The following B4GALNT1 variants were observed in gnomAD, a reference collection of about 807,000 sequenced individuals.
B4GALNT1 encodes beta-1,4 N-acetylgalactosaminyltransferase 1.
Under a neutral mutation model 55.2 loss-of-function variants are expected in B4GALNT1, and 43 were observed. That is an observed-to-expected ratio of 0.78 (90% CI 0.61 to 1.00). The LOEUF is 1.00. Among genes scored for constraint, B4GALNT1 ranks in the 50% least tolerant of loss-of-function variants. B4GALNT1 has a pLI of 0.00. For synonymous variants in B4GALNT1, 305 were observed against 311.6 expected (o/e 0.98, Z 0.22); for missense variants, 664 against 729.7 (o/e 0.91, Z 1.04).
At chr12:57,631,713 C>T (rs77985887) in intron 2 of B4GALNT1, among the ~76,000 whole-genome samples, 1 of 152,174 alleles carries the variant, frequency 6.6e-6, no homozygotes, top group South Asian at 2.1e-4. Context: ...ACGCCCATCC[C>T]CATCCTTATC....
At position 57,624,120 on chromosome 12, in the gene B4GALNT1, A is replaced by C. The variant is rs564432437; in HGVS notation, c.*2624T>G. 2 of 1,610,946 alleles carry C rather than the reference A, an allele frequency of 1.2e-6. No homozygotes were observed. Among genetic ancestry groups the C allele is most frequent in the African/African-American group, 2.7e-5 (2 of 74,768 alleles). On this transcript the variant is annotated 3_prime_UTR_variant, in exon 11 of 11. Transcript: ENST00000341156. ...CTTTGTGAGAAATGCCATTACCCCC[A>C]GATTGCCCCCTCTCATCTTGTTAGC...
At chr12:57,628,954 G>C in intron 7 of B4GALNT1, 51 bp from the exon 8 acceptor site, 1 of 1,609,470 alleles carries the variant, frequency 6.2e-7, no homozygotes, top group Non-Finnish European at 8.5e-7. Flanking sequence ...TTGGGAGAGG[G>C]GAACAGGTAG....
intron 8 of B4GALNT1, 119 bp downstream of exon 8, chr12:57,628,594 C>T (rs1451386973): frequency 3.8e-5 from 47 of 1,240,568 alleles, no homozygotes; most frequent in Admixed American, 6.4e-5. Flanking sequence ...TCATGCTTAA[C>T]AGGCACCCCA....
At position 57,624,803 on chromosome 12, in the gene B4GALNT1, C is replaced by A; in HGVS notation, c.*1941G>T. ...CAGAGGAAGCCCCAGGGTGGGTGGG[C>A]TGCAGCCAAAGAAGGAAGGGAAGAT... On this transcript the variant is annotated 3_prime_UTR_variant, in exon 11 of 11. Transcript: ENST00000341156. The A allele has an allele frequency of 6.6e-7, 1 of 1,508,418 alleles. No individual in the cohort carries two copies. The highest frequency in any genetic ancestry group is 1.7e-5 in the Admixed American group (1 of 59,870). 93.4% of individuals were successfully genotyped at this position (1,508,418 alleles called of 1,614,324 possible).
chr12:57,632,400 A>C, intron 1 of B4GALNT1: 2 of 598,418 alleles, frequency 3.3e-6, no homozygotes, highest in East Asian at 3.0e-5. Flanking sequence ...TGGCATCTTA[A>C]TGCTGAAGAC....
chr12:57,627,633 G>T lies in B4GALNT1; in HGVS notation c.1369C>A (p.Arg457Ser), dbSNP rs750720880. ...TGCCACTCACCCAGATGAGCCACGC[G>T]GCTGAGGCGGGGGTCGAAACCGACC... ...REVGFDPRLS[R>S]VAHLEFFLDG... Residue 457 changes from arginine to serine, a missense_variant, in exon 10 of 11, where the codon CGC becomes AGC. Physicochemically the swap from Arg to Ser is moderately radical, Grantham distance 110. Transcript: ENST00000341156. 5 of 1,596,734 alleles carry T rather than the reference G, an allele frequency of 3.1e-6. No homozygotes were observed. Among genetic ancestry groups the T allele is most frequent in the African/African-American group, 2.7e-5 (2 of 74,626 alleles).
In B4GALNT1 at chr12:57,623,491, C is replaced by T. The variant is rs890071843; in HGVS notation, c.*3253G>A. ...GAATATCACATATCAAAGTCTCCCC[C>T]TAATATTTTTGGTTTCCCTTACTTT... On this transcript the variant is annotated 3_prime_UTR_variant, in exon 11 of 11. Transcript: ENST00000341156. The T allele has an allele frequency of 9.2e-6, 4 of 434,652 alleles. No homozygotes were observed. The highest frequency in any genetic ancestry group is 8.0e-5 in the African/African-American group (4 of 49,698). 26.9% of individuals were successfully genotyped at this position (434,652 alleles called of 1,614,324 possible).
Position 57,628,130 on chromosome 12 carries a change from G to A in B4GALNT1, c.1135C>T (p.Leu379=), listed in dbSNP as rs151177784. 1.3e-3 allele frequency: 2,110 copies of A among 1,613,870 alleles called. 8 individuals carry two copies. The highest frequency in any genetic ancestry group is 3.1e-3 in the Admixed American group (186 of 60,028). The change falls in exon 9 of 11, where the codon CTG becomes TTG. Residue 379 remains leucine, a synonymous_variant. Transcript: ENST00000341156. Reference sequence around the variant, plus strand: ...TGCAGCCCCTGCCCTACCAGGTCCAGCGGCGTCCGCTCCAGCACGTCCACA... The same window carrying A: ...TGCAGCCCCTGCCCTACCAGGTCCAACGGCGTCCGCTCCAGCACGTCCACA... ...RLVDVLERTP[L]DLVGGAVREI... is the part of the protein sequence containing the mutation.
Position 57,629,100 on chromosome 12 carries a change from T to C in B4GALNT1, c.759A>G (p.Ile253Met), listed in dbSNP as rs1277987420. ...ACAGCCGAGGGTTGGGCGGGTGTCT[T>C]ATGCGGATAGTGAAAGCAGCCTCAT... ...EGHEAAFTIR[I>M]RHPPNPRLYP... Residue 253 changes from isoleucine (I) to methionine (M), a missense_variant, in exon 7 of 11, where the codon ATA (isoleucine) becomes ATG (methionine). Physicochemically the swap from Ile to Met is conservative, Grantham distance 10. Transcript: ENST00000341156. 3 of 1,599,412 alleles carry C rather than the reference T, an allele frequency of 1.9e-6. No individual in the cohort carries two copies. Among genetic ancestry groups the C allele is most frequent in the Non-Finnish European group, 2.6e-6 (3 of 1,169,266 alleles).
intron 6 of B4GALNT1, 79 bp from the exon 7 acceptor site, chr12:57,629,225 T>A: frequency 1.3e-5 from 16 of 1,220,912 alleles, no homozygotes; most frequent in Non-Finnish European, 1.6e-5. Context: ...TTTAAGTGCC[T>A]ACTCTGTGTC....
intron 9 of B4GALNT1, 45 bp from the exon 10 acceptor site, chr12:57,627,903 G>T: frequency 1.3e-6 from 2 of 1,520,476 alleles, no homozygotes; most frequent in East Asian, 4.7e-5. Context: ...TGGGATAGGG[G>T]ACCCGAAGGG....
chr12:57,631,890 C>G, intron 2 of B4GALNT1, 25 bp downstream of exon 2: 3 of 1,374,864 alleles, frequency 2.2e-6, no homozygotes, highest in Non-Finnish European at 2.8e-6. Flanking sequence ...GAGCGCTGCG[C>G]TGCGCCGCCG....
rs548077937 is a variant in B4GALNT1 at position 57,626,815 on chromosome 12, C to G, written c.1531G>C (p.Asp511His). The change falls in exon 11 of 11, where the codon GAC becomes CAC. Residue 511 changes from aspartate (D) to histidine (H), a missense_variant. By Grantham distance (81) the Asp-to-His change is moderately conservative. Transcript: ENST00000341156. Reference sequence around the variant, plus strand: ...CGGTGTTTGGCCATCTGGCTCTCGTCCAGTGATCCTGGGTAACGGTACCGG... The same window carrying G: ...CGGTGTTTGGCCATCTGGCTCTCGTGCAGTGATCCTGGGTAACGGTACCGG... Reference protein sequence around the residue: ...YARYRYPGSLDESQMAKHRLL... With the variant: ...YARYRYPGSLHESQMAKHRLL... The G allele has an allele frequency of 6.2e-6, 10 of 1,614,102 alleles. No individual in the cohort carries two copies. The highest frequency in any genetic ancestry group is 8.5e-6 in the Non-Finnish European group (10 of 1,180,046).
Position 57,628,278 on chromosome 12 carries a change from G to T in B4GALNT1, c.1003-16C>A. ...CGAACCAGCCCTGGCAGAAAGGTGT[G>T]TGTGGTTGGGGAGGCTGCAGAAATA... On this transcript the variant is annotated splice_polypyrimidine_tract_variant and intron_variant, in intron 8 of 10. Coordinates refer to ENST00000341156, the MANE Select transcript of B4GALNT1 (RefSeq NM_001478.5). 1 of 1,614,080 alleles carries T rather than the reference G, an allele frequency of 6.2e-7. No homozygotes were observed. Among genetic ancestry groups the T allele is most frequent in the Non-Finnish European group, 8.5e-7 (1 of 1,179,896 alleles).
At position 57,623,895 on chromosome 12, in the gene B4GALNT1, C is replaced by CT. The variant is rs771013381; in HGVS notation, c.*2848dup. 7.9e-5 allele frequency: 128 copies of CT among 1,613,936 alleles called. No individual in the cohort carries two copies. Among genetic ancestry groups the CT allele is most frequent in the Non-Finnish European group, 9.0e-5 (106 of 1,179,994 alleles). On this transcript the variant is annotated 3_prime_UTR_variant, in exon 11 of 11. Transcript: ENST00000341156. ...CGGTGCTGCTGTGGCTGGGGCCCTT[C>CT]TTTTACTATCTGCCCAAGGTAATGA... is the stretch of plus-strand genomic sequence containing the variant.
rs971532084 is a variant in B4GALNT1 at position 57,633,176 on chromosome 12, C to G, written c.-406G>C. The G allele has an allele frequency of 6.6e-6, 1 of 152,256 alleles. No homozygotes were observed. Among genetic ancestry groups the G allele is most frequent in the African/African-American group, 2.4e-5 (1 of 41,474 alleles). The allele number at this position is 152,256 out of a possible 1,614,324, so 9.4% of individuals were successfully genotyped here. ...CGGCTCAGCTCCCGGCTCGTTGCGG[C>G]TGCTTCGGCTCCGCGCGGGGAATGC... On this transcript the variant is annotated 5_prime_UTR_variant, in exon 1 of 11. Coordinates refer to ENST00000341156, the MANE Select transcript of B4GALNT1 (RefSeq NM_001478.5).
In B4GALNT1 at chr12:57,624,933, A is replaced by G. The variant is rs1275945956; in HGVS notation, c.*1811T>C. On this transcript the variant is annotated 3_prime_UTR_variant, in exon 11 of 11. Coordinates refer to ENST00000341156, the MANE Select transcript of B4GALNT1 (RefSeq NM_001478.5). ...CCACTGTACTTTGGGACCCGTGGGCAGTTTCGCTGCAACCTGGAGTGGCAC... is the reference window on the plus strand; with the variant it reads ...CCACTGTACTTTGGGACCCGTGGGCGGTTTCGCTGCAACCTGGAGTGGCAC... The G allele has an allele frequency of 1.9e-6, 3 of 1,614,076 alleles. No individual in the cohort carries two copies. The highest frequency in any genetic ancestry group is 2.5e-6 in the Non-Finnish European group (3 of 1,180,044).
At chr12:57,631,821 G>T in intron 2 of B4GALNT1, 94 bp downstream of exon 2, 1 of 1,205,904 alleles carries the variant, frequency 8.3e-7, no homozygotes, top group Non-Finnish European at 1.1e-6. Context: ...CCCGTTAGGA[G>T]AATGCAGGCA....
At chr12:57,631,888 C>T (rs369711046) in intron 2 of B4GALNT1, 27 bp downstream of exon 2, 46 of 1,372,282 alleles carry the variant, frequency 3.4e-5, no homozygotes, top group Admixed American at 7.0e-5. Context: ...GCGAGCGCTG[C>T]GCTGCGCCGC....
Sources: allele counts gnomAD v4.1 joint callset (sites outside exome capture counted in the v4.1 genomes callset), GRCh38; gene constraint gnomAD v4.1.1; transcripts MANE v1.5; gene names NCBI Gene and HGNC (gene_info 2026-07-23, HGNC 2026-07-21).